Variants in ARMC12 observed in about 807,000 individuals in gnomAD.
ARMC12 encodes the protein armadillo repeat containing 12.
In ARMC12, 25 loss-of-function variants were observed where a neutral mutation model predicts 37.4. The observed-to-expected ratio is 0.67, with a 90% CI of 0.49 to 0.93. The LOEUF (loss-of-function observed/expected upper bound fraction) is 0.93, where lower values mean the gene tolerates loss of function less well. ARMC12 is among the 40% of genes least tolerant of loss of function. The pLI is 0.00. For missense variants in ARMC12, 384 were observed against 426.6 expected, an observed-to-expected ratio of 0.90 and a Z score of 0.88; for synonymous variants, 167 against 176.1, an observed-to-expected ratio of 0.95 and a Z score of 0.41.
In ARMC12 at chr6:35,748,799, T is replaced by C. The variant is rs767422977; in HGVS notation, c.952T>C (p.Tyr318His). The change falls in exon 6 of 6, where the codon TAT (tyrosine) becomes CAT (histidine). Residue 318 changes from tyrosine to histidine, a missense_variant. By Grantham distance (83) the Tyr-to-His change is moderately conservative (BLOSUM62 2). Transcript: ENST00000373866. ...CTGCAAGGTCATTGTCAGCCTGCAG[T>C]ATCCCCAGGACTTGAGAGCCCGGCC... ...QACKVIVSLQ[Y>H]PQDLRARPSS... is the part of the protein sequence containing the mutation. 3.7e-6 allele frequency: 6 copies of C among 1,614,104 alleles called. No individual in the cohort carries two copies. The African/African-American group carries it at 4.0e-5, about 11-fold the overall frequency.
At chr6:35,737,972 A>C (rs747654331) in intron 1 of ARMC12, 55 bp from the exon 2 acceptor site, 15 of 1,604,210 alleles carry the variant, frequency 9.4e-6, no homozygotes, top group Non-Finnish European at 1.1e-5. Context: ...TCCCAACCCC[A>C]TTCTTTCATC....
chr6:35,742,420 C>G (rs1409790463), intron 3 of ARMC12, among the ~76,000 whole-genome samples: 1 of 139,468 alleles, frequency 7.2e-6, no homozygotes. Context: ...CACTTGAACC[C>G]GGGAGGCAGA....
upstream of ARMC12, among the ~76,000 whole-genome samples, chr6:35,734,629 T>C (rs928481717): frequency 6.6e-6 from 1 of 151,944 alleles, no homozygotes; most frequent in Non-Finnish European, 1.5e-5. Context: ...GGCAAAACCC[T>C]GTCTCTACCA....
rs1247214838 is a variant in ARMC12, at chr6:35,748,819, C to T, written c.972C>T (p.Ala324=). 2.0e-5 allele frequency: 32 copies of T among 1,613,896 alleles called. No individual in the cohort carries two copies. Among genetic ancestry groups the T allele is most frequent in the Non-Finnish European group, 2.7e-5 (32 of 1,179,964 alleles). The stretch of plus-strand genomic sequence containing the variant: ...TGCAGTATCCCCAGGACTTGAGAGC[C>T]CGGCCCTCCTCCTGCCAGCCCAGTC... ...VSLQYPQDLR[A]RPSSCQPSRS... Residue 324 remains alanine, a synonymous_variant, in exon 6 of 6, where the codon GCC becomes GCT. Coordinates refer to ENST00000373866, the MANE Select transcript of ARMC12 (RefSeq NM_001286574.2).
upstream of ARMC12, among the ~76,000 whole-genome samples, chr6:35,734,382 G>A (rs1030950468): frequency 6.6e-6 from 1 of 152,050 alleles, no homozygotes; most frequent in Non-Finnish European, 1.5e-5. Context: ...GGCCAGGCTC[G>A]AACTCCTGGG....
intron 3 of ARMC12, among the ~76,000 whole-genome samples, chr6:35,743,210 A>C (rs959294058): frequency 7.0e-4 from 103 of 147,402 alleles, no homozygotes; most frequent in Non-Finnish European, 1.1e-3. Flanking sequence ...AGGTCCAAGC[A>C]TCTTACTTTT....
At chr6:35,736,619 T>C (rs1052911156), upstream of ARMC12, among the ~76,000 whole-genome samples, 2 of 143,804 alleles carry the variant, frequency 1.4e-5, no homozygotes, top group African/African-American at 5.6e-5. Context: ...AACCTTCTCT[T>C]TTTTTTTTTG....
chr6:35,734,577 C>T (rs113459214), upstream of ARMC12, among the ~76,000 whole-genome samples: 36 of 152,188 alleles, frequency 2.4e-4, 1 homozygote, highest in South Asian at 6.6e-3. Flanking sequence ...CCGAGGCAGG[C>T]GGATCATGAG....
At chr6:35,733,687 A>G (rs1374351056), upstream of ARMC12, among the ~76,000 whole-genome samples, 2 of 152,130 alleles carry the variant, frequency 1.3e-5, no homozygotes, top group Middle Eastern at 3.2e-3. Context: ...TGTATTTTTT[A>G]GTAGAGACGG....
At chr6:35,735,296 T>TG (rs1476679475), upstream of ARMC12, 1 of 152,412 alleles carries the variant, frequency 6.6e-6, no homozygotes, top group African/African-American at 2.4e-5. This position sits in a 1 kb window ranked among gnomAD's most constrained non-coding sequence, Gnocchi z 4.0. Flanking sequence ...TGCATGGCAG[T>TG]GGGGAGGCTT....
rs147643446 is a variant in ARMC12, at chr6:35,748,616, C to A, written c.769C>A (p.Arg257=). The part of the protein sequence containing the change: ...LLYEVLVFAE[R]LSEGRNAPHY... ...GTATGAGGTACTGGTGTTTGCTGAGCGGCTGAGTGAGGGCCGGAACGCACC... is the reference window on the plus strand; with the variant it reads ...GTATGAGGTACTGGTGTTTGCTGAGAGGCTGAGTGAGGGCCGGAACGCACC... Residue 257 remains arginine, a synonymous_variant, in exon 6 of 6, where the codon CGG becomes AGG. Transcript: ENST00000373866. 6.9e-6 allele frequency: 11 copies of A among 1,603,976 alleles called. No homozygotes were observed. The highest frequency in any genetic ancestry group is 1.1e-5 in the South Asian group (1 of 89,090).
At chr6:35,734,587 G>T (rs189239842), upstream of ARMC12, among the ~76,000 whole-genome samples, 1 of 152,318 alleles carries the variant, frequency 6.6e-6, no homozygotes, top group East Asian at 1.9e-4. Context: ...CGGATCATGA[G>T]CTCAGGTGTT....
chr6:35,740,697 T>C (rs1767136660), intron 3 of ARMC12, among the ~76,000 whole-genome samples: 1 of 152,092 alleles, frequency 6.6e-6, no homozygotes, highest in Non-Finnish European at 1.5e-5. Context: ...AGTTCCAAAT[T>C]TTCTTTGTAG....
chr6:35,737,500 A>G, intron 1 of ARMC12: 1 of 1,303,572 alleles, frequency 7.7e-7, no homozygotes, highest in Non-Finnish European at 1.0e-6. Context: ...CTCATCTGGC[A>G]GGTCTCCAAA....
intron 3 of ARMC12, among the ~76,000 whole-genome samples, chr6:35,746,091 A>C (rs1767329763): frequency 6.6e-6 from 1 of 152,038 alleles, no homozygotes; most frequent in African/African-American, 2.4e-5. Flanking sequence ...AAAATTAAAG[A>C]AATGAAAATG....
chr6:35,747,886 A>G (rs570755679), intron 5 of ARMC12, among the ~76,000 whole-genome samples: 2 of 152,340 alleles, frequency 1.3e-5, no homozygotes, highest in South Asian at 4.1e-4. Context: ...TTAGGAACAC[A>G]GGAGACAAAA....
At position 35,747,583 on chromosome 6, in the gene ARMC12, C is replaced by A. The variant is rs1767380531; in HGVS notation, c.626C>A (p.Ala209Asp). 1 of 1,614,098 alleles carries A rather than the reference C, an allele frequency of 6.2e-7. No homozygotes were observed. Among genetic ancestry groups the A allele is most frequent in the African/African-American group, 1.3e-5 (1 of 74,942 alleles). Residue 209 changes from alanine to aspartate, a missense_variant, in exon 5 of 6, where the codon GCC becomes GAC. Ala to Asp is a moderately radical substitution (Grantham distance 126). Transcript: ENST00000373866. ...ACTCTTTCCTTTATTCAGGTGCAAG[C>A]CGTACGACTGCTGAGCTACCTGGCA... ...QSDYILAQVQAVRLLSYLAQK... is the reference protein window; with the variant it reads ...QSDYILAQVQDVRLLSYLAQK...
chr6:35,735,969 T>G (rs1473475527), upstream of ARMC12: 1 of 152,202 alleles, frequency 6.6e-6, no homozygotes, highest in Non-Finnish European at 1.5e-5. The surrounding 1 kb of genome is among the most constrained non-coding windows in gnomAD (Gnocchi z 4.0). Context: ...CCGAATCCCT[T>G]TAGGTTACAA....
chr6:35,747,350 A>G lies in ARMC12; in HGVS notation c.534A>G (p.Pro178=), dbSNP rs2151047835. The G allele has an allele frequency of 6.2e-7, 1 of 1,614,092 alleles. No individual in the cohort carries two copies. The highest frequency in any genetic ancestry group is 2.2e-5 in the East Asian group (1 of 44,872). ...GCCTCAGACTCCTCAACAACCTTCC[A>G]CTGCCCGACTATGTGCATCCACAGC... ...IAGLRLLNNL[P]LPDYVHPQLR... The change falls in exon 4 of 6, where the codon CCA becomes CCG. Residue 178 remains proline (P), a synonymous_variant. Coordinates refer to ENST00000373866, the MANE Select transcript of ARMC12 (RefSeq NM_001286574.2).
Sources: gnomAD v4.1 joint callset for allele counts (sites outside exome capture counted in the v4.1 genomes callset) on GRCh38, gnomAD v4.1.1 for gene constraint, Gnocchi (gnomAD v3.1) non-coding constraint, MANE v1.5 for transcripts, NCBI Gene and HGNC (gene_info 2026-07-23, HGNC 2026-07-21) for gene names.